CARS1: variants seen among roughly 807,000 people sequenced by gnomAD.
CARS1 encodes the protein cysteinyl-tRNA synthetase 1.
A neutral mutation model predicts 106.2 loss-of-function variants in CARS1; 48 were observed. The observed-to-expected ratio is 0.45, with a 90% CI of 0.36 to 0.57. The LOEUF is 0.57. Among genes scored for constraint, CARS1 ranks in the 20% least tolerant of loss-of-function variants. The pLI, the probability that CARS1 is intolerant of heterozygous loss-of-function variation, is 0.00. For synonymous variants in CARS1, 409 were observed against 403.4 expected, an observed-to-expected ratio of 1.01 and a Z score of -0.17; for missense variants, 968 against 1,057.2, an observed-to-expected ratio of 0.92 and a Z score of 1.17.
At position 3,020,226 on chromosome 11, in the gene CARS1, C is replaced by G. The variant is rs1220504721; in HGVS notation, c.1260G>C (p.Trp420Cys). ...KPGEPSWPCP[W>C]GKGRPGWHIE... The stretch of plus-strand genomic sequence containing the variant: ...TTCTAGGCCACTCGCTCACCTTTCC[C>G]CAAGGGCACGGCCAGGACGGTTCTC... The change falls in exon 11 of 23, where the codon TGG (tryptophan) becomes TGC (cysteine). Residue 420 changes from tryptophan (W) to cysteine (C), a missense_variant. Trp to Cys is a radical substitution (Grantham distance 215). Transcript: ENST00000380525. The surrounding 1 kb of genome is among the most constrained non-coding windows in gnomAD (Gnocchi z 4.6). 1.2e-6 allele frequency: 2 copies of G among 1,602,376 alleles called. No homozygotes were observed. The highest frequency in any genetic ancestry group is 1.7e-6 in the Non-Finnish European group (2 of 1,169,224).
In CARS1 at chr11:3,026,706, C is replaced by T. The variant is rs776214024; in HGVS notation, c.1123G>A (p.Gly375Arg). 1.2e-6 allele frequency: 2 copies of T among 1,614,010 alleles called. No individual in the cohort carries two copies. Among genetic ancestry groups the T allele is most frequent in the South Asian group, 1.1e-5 (1 of 91,042 alleles). The change falls in exon 10 of 23, where the codon GGA (glycine) becomes AGA (arginine). Residue 375 changes from glycine to arginine, a missense_variant. Physicochemically the swap from Gly to Arg is moderately radical, Grantham distance 125. Transcript: ENST00000380525. ...CCTTCTTGAAGGGCTTTCTGATCTCCAACGGCCTCAGGCACCAGCTTCCCA... is the reference window on the plus strand; with the variant it reads ...CCTTCTTGAAGGGCTTTCTGATCTCTAACGGCCTCAGGCACCAGCTTCCCA... Reference protein sequence around the residue: ...SYGKLVPEAVGDQKALQEGEG... With the variant: ...SYGKLVPEAVRDQKALQEGEG...
At chr11:3,015,907 G>C (rs940264051) in intron 16 of CARS1, 58 bp from the exon 17 acceptor site, 1 of 1,384,288 alleles carries the variant, frequency 7.2e-7, no homozygotes, top group Non-Finnish European at 1.0e-6. Flanking sequence ...GGCATGTGGC[G>C]AGCAGCTGTG....
chr11:3,013,748 G>A (rs1381820227), intron 17 of CARS1, among the ~76,000 whole-genome samples: 1 of 152,082 alleles, frequency 6.6e-6, no homozygotes, highest in Non-Finnish European at 1.5e-5. Context: ...AGCTACTCAG[G>A]AGGCTGAGGC....
At chr11:3,054,910 C>G (rs1856045437) in intron 1 of CARS1, 1 of 702,502 alleles carries the variant, frequency 1.4e-6, no homozygotes. Context: ...TATCCCAAGT[C>G]TGTGCGGAAA....
intron 10 of CARS1, among the ~76,000 whole-genome samples, chr11:3,023,221 C>A (rs1851738169): frequency 6.6e-6 from 1 of 152,176 alleles, no homozygotes; most frequent in Non-Finnish European, 1.5e-5. Flanking sequence ...GACCTGAGGG[C>A]ACTGCTCCAC....
rs768051879 is a variant in CARS1 at position 3,029,422 on chromosome 11, C to G, written c.823G>C (p.Asp275His). ...CVEVLLEEAKDLLSDWLDSTL... is the reference protein window; with the variant it reads ...CVEVLLEEAKHLLSDWLDSTL... ...GAATCCAGCCAGTCAGAGAGCAAAT[C>G]CTTGGCTTCTTCCAGCAACACCTGA... Residue 275 changes from aspartate to histidine, a missense_variant, in exon 8 of 23, where the codon GAT (aspartate) becomes CAT (histidine). Transcript: ENST00000380525. This position sits in a 1 kb window ranked among gnomAD's most constrained non-coding sequence, Gnocchi z 5.9. 4 of 1,613,888 alleles carry G rather than the reference C, an allele frequency of 2.5e-6. No individual in the cohort carries two copies. Among genetic ancestry groups the G allele is most frequent in the South Asian group, 1.1e-5 (1 of 91,080 alleles).
rs973014344 is a variant in CARS1 at position 3,020,006 on chromosome 11, A to G, written c.1266+214T>C. On this transcript the variant is annotated intron_variant, in intron 11 of 22. Transcript: ENST00000380525. This position sits in a 1 kb window ranked among gnomAD's most constrained non-coding sequence, Gnocchi z 4.6. ...TCTCCACTTACAGACCAGAAAACAG[A>G]AATCCCAGGAGGGAAGTGATTTGTC... is the stretch of plus-strand genomic sequence containing the variant. Among the ~76,000 whole-genome samples the G allele has an allele frequency of 2.6e-5, 4 of 152,214 alleles. No individual in the cohort carries two copies. The highest frequency in any genetic ancestry group is 9.6e-5 in the African/African-American group (4 of 41,460).
In CARS1 at chr11:3,038,732, C is replaced by T. The variant is rs867076864; in HGVS notation, c.651+462G>A. 1.3e-5 allele frequency among the ~76,000 whole-genome samples: 2 copies of T among 152,016 alleles called. No individual in the cohort carries two copies. The highest frequency in any genetic ancestry group is 2.1e-4 in the South Asian group (1 of 4,834). The stretch of plus-strand genomic sequence containing the variant: ...TATTGTAATAAAAATAAGTATATAA[C>T]GATGGTTATTCAGAATGAAAATACT... On this transcript the variant is annotated intron_variant, in intron 6 of 22. Transcript: ENST00000380525. The surrounding 1 kb of genome is among the most constrained non-coding windows in gnomAD (Gnocchi z 4.0).
intron 1 of CARS1, among the ~76,000 whole-genome samples, chr11:3,049,156 C>T (rs1249394430): frequency 6.6e-6 from 1 of 151,886 alleles, no homozygotes; most frequent in Non-Finnish European, 1.5e-5. Flanking sequence ...ACTCTACTGC[C>T]CAGGCTGGAG....
At chr11:3,014,133 G>A (rs1163176121) in intron 17 of CARS1, among the ~76,000 whole-genome samples, 1 of 152,180 alleles carries the variant, frequency 6.6e-6, no homozygotes, top group African/African-American at 2.4e-5. Flanking sequence ...AGGACAGAAA[G>A]GGAGGCATTC....
In CARS1 at chr11:3,021,055, C is replaced by G. The variant is rs1190911546; in HGVS notation, c.1154-723G>C. 6.6e-6 allele frequency among the ~76,000 whole-genome samples: 1 copy of G among 152,112 alleles called. No homozygotes were observed. The highest frequency in any genetic ancestry group is 1.5e-5 in the Non-Finnish European group (1 of 68,028). ...CCTTGCCAGAGGGATGAGAAATAAC[C>G]CCTTGGTGAATTCCATGCATTGACT... On this transcript the variant is annotated intron_variant, in intron 10 of 22. Coordinates refer to ENST00000380525, the MANE Select transcript of CARS1 (RefSeq NM_001014437.3). This position sits in a 1 kb window ranked among gnomAD's most constrained non-coding sequence, Gnocchi z 5.3.
rs1357421149 is a variant in CARS1, at chr11:3,039,819, T to C, written c.552+16A>G. On this transcript the variant is annotated intron_variant, in intron 5 of 22. Coordinates refer to ENST00000380525, the MANE Select transcript of CARS1 (RefSeq NM_001014437.3). This position sits in a 1 kb window ranked among gnomAD's most constrained non-coding sequence, Gnocchi z 5.6. The stretch of plus-strand genomic sequence containing the variant: ...TCCAATTGCATTTAAAATTTAATCT[T>C]ACAAATTCCCTTTACCTTGTCATCA... The C allele has an allele frequency of 1.5e-6, 2 of 1,335,004 alleles. No homozygotes were observed. The highest frequency in any genetic ancestry group is 1.5e-5 in the African/African-American group (1 of 67,224). 82.7% of individuals were successfully genotyped at this position (1,335,004 alleles called of 1,614,324 possible).
intron 21 of CARS1, 68 bp downstream of exon 21, chr11:3,002,463 GCACAGAGAGC>G: frequency 6.3e-7 from 1 of 1,592,526 alleles, no homozygotes; most frequent in Non-Finnish European, 8.5e-7. Flanking sequence ...GTCCACGGAG[GCACAGAGAGC>G]CACAGGGCAT....
At chr11:3,051,992 C>G (rs886609902) in intron 1 of CARS1, among the ~76,000 whole-genome samples, 1 of 152,204 alleles carries the variant, frequency 6.6e-6, no homozygotes, top group Admixed American at 6.5e-5. Flanking sequence ...AGCAACAGCC[C>G]GAACACTGAC....
At position 3,037,088 on chromosome 11, in the gene CARS1, C is replaced by T. The variant is rs1385429341; in HGVS notation, c.801+962G>A. ...TGTTGGTAAGAAGGAAACCTAACTG[C>T]CCGTCCCAGGAGAACAGACAAACAG... is the stretch of plus-strand genomic sequence containing the variant. On this transcript the variant is annotated intron_variant, in intron 7 of 22. Coordinates refer to ENST00000380525, the MANE Select transcript of CARS1 (RefSeq NM_001014437.3). This position sits in a 1 kb window ranked among gnomAD's most constrained non-coding sequence, Gnocchi z 5.9. Among the ~76,000 whole-genome samples, 1 of 152,092 alleles carries T rather than the reference C, an allele frequency of 6.6e-6. No individual in the cohort carries two copies. The highest frequency in any genetic ancestry group is 2.4e-5 in the African/African-American group (1 of 41,410).
At position 3,052,688 on chromosome 11, in the gene CARS1, G is replaced by A. The variant is rs1040361003; in HGVS notation, c.25+4655C>T. Among the ~76,000 whole-genome samples, 1 of 152,200 alleles carries A rather than the reference G, an allele frequency of 6.6e-6. No homozygotes were observed. Among genetic ancestry groups the A allele is most frequent in the African/African-American group, 2.4e-5 (1 of 41,446 alleles). ...ACAGGAGAATGACAGGCTTCCATGA[G>A]ATGGACGCAGACAGTCATTTGGGTA... On this transcript the variant is annotated intron_variant, in intron 1 of 22. Coordinates refer to ENST00000380525, the MANE Select transcript of CARS1 (RefSeq NM_001014437.3). The surrounding 1 kb of genome is among the most constrained non-coding windows in gnomAD (Gnocchi z 4.6).
rs914390588 is a variant in CARS1 at position 3,028,318 on chromosome 11, G to A, written c.1031+678C>T. 2.1e-5 allele frequency: 11 copies of A among 533,258 alleles called. No homozygotes were observed. The highest frequency in any genetic ancestry group is 1.2e-4 in the African/African-American group (6 of 50,058). The allele number at this position is 533,258 out of a possible 1,614,324, so 33.0% of individuals were successfully genotyped here. On this transcript the variant is annotated intron_variant, in intron 9 of 22. Transcript: ENST00000380525. This position sits in a 1 kb window ranked among gnomAD's most constrained non-coding sequence, Gnocchi z 4.4. ...ATTCGGGGCCACTACCGGTCTCCGC[G>A]TCTTGGTGGTAGTGGTCCCCCGGGC...
In CARS1 at chr11:3,042,173, T is replaced by C. The variant is rs1446752283; in HGVS notation, c.358A>G (p.Arg120Gly). ...CRLHLYNSLT[R>G]NKEVFIPQDG... Reference sequence around the variant, plus strand: ...ATCTGTGTTCTCCTTACCTTGTTCCTGGTGAGGCTGTTGTAAAGGTGGAGT... The same window carrying C: ...ATCTGTGTTCTCCTTACCTTGTTCCCGGTGAGGCTGTTGTAAAGGTGGAGT... The change falls in exon 3 of 23, where the codon AGG becomes GGG. Residue 120 changes from arginine to glycine, a missense_variant. By Grantham distance (125) the Arg-to-Gly change is moderately radical. Coordinates refer to ENST00000380525, the MANE Select transcript of CARS1 (RefSeq NM_001014437.3). The C allele has an allele frequency of 1.9e-6, 3 of 1,613,400 alleles. No homozygotes were observed. Among genetic ancestry groups the C allele is most frequent in the Non-Finnish European group, 2.5e-6 (3 of 1,179,554 alleles).
At position 3,050,120 on chromosome 11, in the gene CARS1, C is replaced by G. The variant is rs571406091; in HGVS notation, c.26-2119G>C. On this transcript the variant is annotated intron_variant, in intron 1 of 22. Coordinates refer to ENST00000380525, the MANE Select transcript of CARS1 (RefSeq NM_001014437.3). This position sits in a 1 kb window ranked among gnomAD's most constrained non-coding sequence, Gnocchi z 6.3. ...CTCCGTGGCTGCCGGAGAAGATGTC[C>G]TGAAGCCACCTCTTCTCTGCAGTAA... Among the ~76,000 whole-genome samples, 7 of 152,304 alleles carry G rather than the reference C, an allele frequency of 4.6e-5. No homozygotes were observed. Among genetic ancestry groups the G allele is most frequent in the Admixed American group, 2.0e-4 (3 of 15,304 alleles).
Sources: allele counts gnomAD v4.1 joint callset (sites outside exome capture counted in the v4.1 genomes callset), GRCh38; gene constraint gnomAD v4.1.1; non-coding constraint Gnocchi (gnomAD v3.1); transcripts MANE v1.5; gene names NCBI Gene and HGNC (gene_info 2026-07-23, HGNC 2026-07-21).